The following NAPEPLD variants were observed in gnomAD, a reference collection of about 807,000 sequenced individuals.
The protein encoded by NAPEPLD is N-acyl phosphatidylethanolamine phospholipase D.
In NAPEPLD, 23 loss-of-function variants were observed where a neutral mutation model predicts 38.1. That is an observed-to-expected ratio of 0.60 (90% CI 0.43 to 0.86). The LOEUF is 0.86. NAPEPLD is among the 40% of genes least tolerant of loss of function. NAPEPLD has a pLI of 0.00. For missense variants in NAPEPLD, 411 were observed against 476.8 expected (o/e 0.86, Z 1.28); for synonymous variants, 147 against 162.0 (o/e 0.91, Z 0.71).
intron 1 of NAPEPLD, among the ~76,000 whole-genome samples, chr7:103,145,378 C>T (rs1159428842): frequency 1.3e-5 from 2 of 152,110 alleles, no homozygotes; most frequent in East Asian, 1.9e-4. Flanking sequence ...AGCACATGTA[C>T]ATTTATATAC....
At chr7:103,108,830 T>C (rs752413738) in intron 4 of NAPEPLD, among the ~76,000 whole-genome samples, 8 of 152,202 alleles carry the variant, frequency 5.3e-5, no homozygotes, top group Non-Finnish European at 1.0e-4. Flanking sequence ...ATCAGTGTGC[T>C]GTATTCAGAA....
chr7:103,103,825 C>T (rs183258091), intron 4 of NAPEPLD, among the ~76,000 whole-genome samples: 10 of 152,274 alleles, frequency 6.6e-5, no homozygotes, highest in African/African-American at 2.2e-4. Context: ...CACTGGATTG[C>T]ATGAAATCAT....
rs1040817097 is a variant in NAPEPLD at position 103,101,475 on chromosome 7, T to C, written c.*1954A>G. On this transcript the variant is annotated 3_prime_UTR_variant, in exon 5 of 5. Transcript: ENST00000465647. ...GTTTTCAATGTTTAGTCTCCTAATATATAATGCTTAAATTTGCAACAGGAA... is the reference window on the plus strand; with the variant it reads ...GTTTTCAATGTTTAGTCTCCTAATACATAATGCTTAAATTTGCAACAGGAA... 1.2e-4 allele frequency: 19 copies of C among 152,658 alleles called. No homozygotes were observed. The highest frequency in any genetic ancestry group is 1.8e-4 in the Non-Finnish European group (12 of 68,032). 9.5% of individuals were successfully genotyped at this position (152,658 alleles called of 1,614,324 possible). A position where few individuals can be genotyped will look rare whatever the true frequency, so the allele number is the denominator to read the frequency against.
chr7:103,105,736 C>A (rs1270243312), intron 4 of NAPEPLD, among the ~76,000 whole-genome samples: 1 of 152,086 alleles, frequency 6.6e-6, no homozygotes, highest in Non-Finnish European at 1.5e-5. Context: ...AGTTTGAGAC[C>A]AGCCTGGCCA....
chr7:103,120,727 T>TTTG (rs1806514642), intron 2 of NAPEPLD, among the ~76,000 whole-genome samples: 1 of 134,722 alleles, frequency 7.4e-6, no homozygotes, highest in East Asian at 2.0e-4. Context: ...TTTTTTTTTT[T>TTTG]GTCTGAGACA....
chr7:103,102,488 A>C lies in NAPEPLD; in HGVS notation c.*941T>G, dbSNP rs1324461587. On this transcript the variant is annotated 3_prime_UTR_variant, in exon 5 of 5. Transcript: ENST00000465647. ...GTACCTGTGACTACAGGTACACACC[A>C]CCTCACCCGGCTTTTTCTTTTTTCT... The C allele has an allele frequency of 6.8e-6, 1 of 147,254 alleles. No individual in the cohort carries two copies. Among genetic ancestry groups the C allele is most frequent in the African/African-American group, 2.5e-5 (1 of 40,054 alleles). The allele number at this position is 147,254 out of a possible 1,614,324, so 9.1% of individuals were successfully genotyped here.
At chr7:103,149,547 C>T (rs1179742624), upstream of NAPEPLD, 14 of 1,209,938 alleles carry the variant, frequency 1.2e-5, no homozygotes, top group East Asian at 1.7e-4. Flanking sequence ...GCAGGGCCAG[C>T]GGTGGCCTCC....
At chr7:103,141,755 C>A in intron 1 of NAPEPLD, 1 of 856,170 alleles carries the variant, frequency 1.2e-6, no homozygotes, top group Non-Finnish European at 2.1e-6. Context: ...TTTCCGGCAT[C>A]AAGCGGGGGA....
intron 4 of NAPEPLD, among the ~76,000 whole-genome samples, chr7:103,113,689 G>A (rs1805012840): frequency 1.4e-5 from 2 of 146,388 alleles, no homozygotes; most frequent in East Asian, 4.0e-4. Context: ...GGAAGGAAGT[G>A]CCGTAATCTC....
chr7:103,149,043 C>G lies in NAPEPLD; in HGVS notation c.-249G>C, dbSNP rs776477069. 664 of 985,410 alleles carry G rather than the reference C, an allele frequency of 6.7e-4. No homozygotes were observed. Among genetic ancestry groups the G allele is most frequent in the Non-Finnish European group, 7.2e-4 (594 of 829,960 alleles). The allele number at this position is 985,410 out of a possible 1,614,324, so 61.0% of individuals were successfully genotyped here. On this transcript the variant is annotated 5_prime_UTR_variant, in exon 1 of 5. Coordinates refer to ENST00000465647, the MANE Select transcript of NAPEPLD (RefSeq NM_001122838.3). Reference sequence around the variant, plus strand: ...GGAGGGCTCGGGGACGGGAAACCCACTCTCAGCCCGCTCCACTTCGCCGAA... The same window carrying G: ...GGAGGGCTCGGGGACGGGAAACCCAGTCTCAGCCCGCTCCACTTCGCCGAA...
At position 103,128,550 on chromosome 7, in the gene NAPEPLD, G is replaced by C; in HGVS notation, c.227C>G (p.Ser76Cys). Residue 76 changes from serine to cysteine, a missense_variant, in exon 2 of 5, where the codon TCT becomes TGT. Ser to Cys is a moderately radical substitution (Grantham distance 112). Transcript: ENST00000465647. ...CAGCCATCTGAGAACATTTGGAATA[G>C]AGGGGTTTTTCCATGTTGGCCACGG... is the stretch of plus-strand genomic sequence containing the variant. ...VNPWPTWKNPSIPNVLRWLIM... is the reference protein window; with the variant it reads ...VNPWPTWKNPCIPNVLRWLIM... 6.2e-7 allele frequency: 1 copy of C among 1,614,218 alleles called. No homozygotes were observed. Among genetic ancestry groups the C allele is most frequent in the Non-Finnish European group, 8.5e-7 (1 of 1,180,036 alleles).
chr7:103,109,181 G>A (rs973012375), intron 4 of NAPEPLD, among the ~76,000 whole-genome samples: 1 of 152,116 alleles, frequency 6.6e-6, no homozygotes, highest in Non-Finnish European at 1.5e-5. Context: ...ACAGATCAAC[G>A]AGACAGAAAA....
At chr7:103,147,190 G>A (rs754966349) in intron 1 of NAPEPLD, among the ~76,000 whole-genome samples, 1 of 152,210 alleles carries the variant, frequency 6.6e-6, no homozygotes, top group African/African-American at 2.4e-5. Flanking sequence ...TAGTATAGGC[G>A]TTAGAATGAA....
At chr7:103,139,877 C>T (rs1309962224) in intron 1 of NAPEPLD, among the ~76,000 whole-genome samples, 2 of 152,056 alleles carry the variant, frequency 1.3e-5, no homozygotes, top group Non-Finnish European at 2.9e-5. Flanking sequence ...TAGAGATATC[C>T]CCAAAAGGTT....
intron 4 of NAPEPLD, among the ~76,000 whole-genome samples, chr7:103,112,404 C>T (rs1368267173): frequency 6.6e-6 from 1 of 152,130 alleles, no homozygotes; most frequent in African/African-American, 2.4e-5. Flanking sequence ...ACATATACAC[C>T]ATGGAATACT....
intron 2 of NAPEPLD, among the ~76,000 whole-genome samples, chr7:103,123,483 T>C (rs1807118569): frequency 6.6e-6 from 1 of 152,246 alleles, no homozygotes; most frequent in Non-Finnish European, 1.5e-5. Flanking sequence ...ACTGAGTACC[T>C]ACTAAGTACT....
At position 103,100,334 on chromosome 7, in the gene NAPEPLD, A is replaced by G. The variant is rs905630629; in HGVS notation, c.*3095T>C. On this transcript the variant is annotated 3_prime_UTR_variant, in exon 5 of 5. Coordinates refer to ENST00000465647, the MANE Select transcript of NAPEPLD (RefSeq NM_001122838.3). ...CCAGGATTTGTTTTTAATGTGCTTT[A>G]GCAGCAGTAGATTCTAAAACTGTGT... The G allele has an allele frequency of 8.5e-5, 13 of 152,324 alleles. No individual in the cohort carries two copies. Among genetic ancestry groups the G allele is most frequent in the African/African-American group, 2.9e-4 (12 of 41,570 alleles). 9.4% of individuals were successfully genotyped at this position (152,324 alleles called of 1,614,324 possible).
intron 2 of NAPEPLD, among the ~76,000 whole-genome samples, chr7:103,123,874 G>A (rs773888674): frequency 2.6e-5 from 4 of 152,196 alleles, no homozygotes; most frequent in Admixed American, 2.6e-4. Context: ...AGGACACAAG[G>A]AAACTTTTGG....
At chr7:103,128,412 C>A (rs748264752) in intron 2 of NAPEPLD, 71 bp downstream of exon 2, 1 of 1,540,890 alleles carries the variant, frequency 6.5e-7, no homozygotes, top group Non-Finnish European at 8.9e-7. Context: ...TTATGATATA[C>A]AAGGGCTCAA....
Sources: gnomAD v4.1 joint callset for allele counts (sites outside exome capture counted in the v4.1 genomes callset) on GRCh38, gnomAD v4.1.1 for gene constraint, MANE v1.5 for transcripts, NCBI Gene and HGNC (gene_info 2026-07-23, HGNC 2026-07-21) for gene names.